The following XRCC4 variants were observed in gnomAD, a reference collection of about 807,000 sequenced individuals.
The protein encoded by XRCC4 is DNA repair protein XRCC4.
XRCC4 carries 28 observed loss-of-function variants against 39.1 expected under a neutral mutation model. The observed-to-expected ratio is 0.72, with a 90% CI of 0.53 to 0.98. The LOEUF (loss-of-function observed/expected upper bound fraction) is 0.98. Ranked by LOEUF, XRCC4 falls within the 50% of genes least tolerant of loss-of-function variation. The pLI is 0.00. For synonymous variants in XRCC4, 123 were observed against 126.4 expected (o/e 0.97, Z 0.18); for missense variants, 350 against 376.4 (o/e 0.93, Z 0.58).
chr5:83,090,108 G>A (rs1745354170), intron 1 of XRCC4, among the ~76,000 whole-genome samples: 1 of 152,050 alleles, frequency 6.6e-6, no homozygotes, highest in African/African-American at 2.4e-5. Context: ...TGGAGTGCAG[G>A]TAGCACAATC....
At chr5:83,104,633 A>G (rs1394524555) in intron 1 of XRCC4, among the ~76,000 whole-genome samples, 1 of 152,070 alleles carries the variant, frequency 6.6e-6, no homozygotes, top group Non-Finnish European at 1.5e-5. Flanking sequence ...GATAATTTTT[A>G]TCTTCATTAC....
intron 6 of XRCC4, among the ~76,000 whole-genome samples, chr5:83,257,038 A>G (rs1319393310): frequency 6.6e-6 from 1 of 152,188 alleles, no homozygotes; most frequent in Non-Finnish European, 1.5e-5. Context: ...AAAAAAATCA[A>G]GAGAGGAATT....
intron 6 of XRCC4, among the ~76,000 whole-genome samples, chr5:83,205,153 A>C (rs931780092): frequency 1.3e-5 from 2 of 152,198 alleles, no homozygotes; most frequent in Non-Finnish European, 2.9e-5. Context: ...CATATACTCC[A>C]AGGTATACTA....
At chr5:83,294,931 T>A (rs1278299954) in intron 7 of XRCC4, among the ~76,000 whole-genome samples, 1 of 152,018 alleles carries the variant, frequency 6.6e-6, no homozygotes, top group East Asian at 1.9e-4. Flanking sequence ...TTGAATCCAT[T>A]TAGATAGGTT....
chr5:83,093,473 T>C (rs2112325890), intron 1 of XRCC4, among the ~76,000 whole-genome samples: 1 of 152,298 alleles, frequency 6.6e-6, no homozygotes, highest in Non-Finnish European at 1.5e-5. Flanking sequence ...AACAGACATA[T>C]ACAGAGTATT....
chr5:83,204,939 T>G lies in XRCC4; in HGVS notation c.745+18T>G. The G allele has an allele frequency of 2.0e-6, 3 of 1,492,940 alleles. No homozygotes were observed. The highest frequency in any genetic ancestry group is 1.1e-5 in the South Asian group (1 of 87,246). The allele number at this position is 1,492,940 out of a possible 1,614,324, so 92.5% of individuals were successfully genotyped here. A position where few individuals can be genotyped will look rare whatever the true frequency, so the allele number is the denominator to read the frequency against. ...GGCTTCAGGTAAGAGATACATACAT[T>G]TATCTCCTCTGTTGAATATCTTATT... On this transcript the variant is annotated intron_variant, in intron 6 of 7. Coordinates refer to ENST00000396027, the MANE Select transcript of XRCC4 (RefSeq NM_003401.5).
At chr5:83,191,035 A>T (rs1194147178) in intron 3 of XRCC4, among the ~76,000 whole-genome samples, 1 of 152,214 alleles carries the variant, frequency 6.6e-6, no homozygotes, top group Non-Finnish European at 1.5e-5. Context: ...TCAAAATTTT[A>T]TCAAGCACAT....
downstream of XRCC4, among the ~76,000 whole-genome samples, chr5:83,358,702 G>A (rs16900362): frequency 0.02 from 3,022 of 152,248 alleles, 95 homozygotes; most frequent in African/African-American, 0.068. Context: ...GAAAATCTCT[G>A]ACTTAACTGC....
In XRCC4 at chr5:83,204,006, C is replaced by T. The variant is rs183213203; in HGVS notation, c.638+299C>T. ...ACATACTAATTTAAAAAAAAACTTTCATCTGCAGAACTACAAAAGTTGGAT... is the reference window on the plus strand; with the variant it reads ...ACATACTAATTTAAAAAAAAACTTTTATCTGCAGAACTACAAAAGTTGGAT... On this transcript the variant is annotated intron_variant, in intron 5 of 7. Transcript: ENST00000396027. Among the ~76,000 whole-genome samples the T allele has an allele frequency of 2.2e-4, 33 of 152,192 alleles. No homozygotes were observed. In the South Asian group the frequency reaches 6.6e-3, roughly 31 times the overall value.
At chr5:83,126,950 T>C (rs949915364) in intron 3 of XRCC4, among the ~76,000 whole-genome samples, 1 of 152,194 alleles carries the variant, frequency 6.6e-6, no homozygotes, top group Non-Finnish European at 1.5e-5. Context: ...CCTGTTTCTC[T>C]TTTTGGAATA....
At chr5:83,367,038 T>C in the XRCC4 span, among the ~76,000 whole-genome samples, 1 of 152,224 alleles carries the variant, frequency 6.6e-6, no homozygotes, top group African/African-American at 2.4e-5. Context: ...TAGTCTGTTT[T>C]GTTCTCTCCT....
intron 3 of XRCC4, among the ~76,000 whole-genome samples, chr5:83,138,612 A>G (rs1748015541): frequency 6.6e-6 from 1 of 152,096 alleles, no homozygotes; most frequent in Admixed American, 6.5e-5. Flanking sequence ...ATACTTTATA[A>G]GTATACTTTA....
intron 6 of XRCC4, among the ~76,000 whole-genome samples, chr5:83,224,122 T>C (rs182088245): frequency 1.3e-5 from 2 of 152,194 alleles, no homozygotes; most frequent in South Asian, 4.2e-4. Context: ...TCTATTTACA[T>C]TGTAGATTAT....
chr5:83,244,534 G>A (rs966402660), intron 6 of XRCC4, among the ~76,000 whole-genome samples: 1 of 152,072 alleles, frequency 6.6e-6, no homozygotes, highest in Non-Finnish European at 1.5e-5. Flanking sequence ...GCCTTGCTTT[G>A]TGCATGTGCA....
At chr5:83,181,852 A>G (rs1477638355) in intron 3 of XRCC4, among the ~76,000 whole-genome samples, 1 of 152,178 alleles carries the variant, frequency 6.6e-6, no homozygotes, top group Non-Finnish European at 1.5e-5. Flanking sequence ...GTTGGTGCTT[A>G]GTCAGAAATA....
chr5:83,246,128 A>T (rs552208638), intron 6 of XRCC4, among the ~76,000 whole-genome samples: 1 of 152,186 alleles, frequency 6.6e-6, no homozygotes, highest in South Asian at 2.1e-4. Context: ...ATATACCAGT[A>T]TGGATATAGA....
At chr5:83,131,688 C>T (rs1466429971) in intron 3 of XRCC4, among the ~76,000 whole-genome samples, 3 of 152,030 alleles carry the variant, frequency 2.0e-5, no homozygotes, top group Non-Finnish European at 2.9e-5. Context: ...TTATCAGAGA[C>T]TAGGATTGCA....
the XRCC4 span, among the ~76,000 whole-genome samples, chr5:83,369,569 A>G: frequency 6.6e-6 from 1 of 152,330 alleles, no homozygotes; most frequent in African/African-American, 2.4e-5. Context: ...ATTGCTGCAA[A>G]GAACCTGATT....
intron 6 of XRCC4, among the ~76,000 whole-genome samples, chr5:83,230,620 C>T (rs1252897968): frequency 6.6e-6 from 1 of 151,908 alleles, no homozygotes; most frequent in Non-Finnish European, 1.5e-5. Flanking sequence ...TATAGACATG[C>T]TGTCAGTTGG....
Sources: allele counts gnomAD v4.1 joint callset (sites outside exome capture counted in the v4.1 genomes callset), GRCh38; gene constraint gnomAD v4.1.1; transcripts MANE v1.5; gene names NCBI Gene and HGNC (gene_info 2026-07-23, HGNC 2026-07-21).